Variants in NAV2 observed in about 807,000 individuals in gnomAD.
NAV2 encodes helicase, APC down-regulated 1.
Under a neutral mutation model 223.2 loss-of-function variants are expected in NAV2, and 54 were observed. The ratio of observed to expected loss-of-function variants is 0.24; its 90% confidence interval spans 0.19 to 0.30. NAV2 has a LOEUF of 0.30. Among genes scored for constraint, NAV2 ranks in the 10% least tolerant of loss-of-function variants. The pLI is 1.00. For synonymous variants in NAV2, 1,279 were observed against 1,239.3 expected (o/e 1.03, Z -0.67); for missense variants, 2,806 against 3,147.5 (o/e 0.89, Z 2.60).
intron 1 of NAV2, among the ~76,000 whole-genome samples, chr11:19,389,781 G>C (rs563428715): frequency 6.6e-6 from 1 of 152,332 alleles, no homozygotes; most frequent in Non-Finnish European, 1.5e-5. Context: ...GTGTGTTCCT[G>C]TGGCTGGCCT....
intron 1 of NAV2, among the ~76,000 whole-genome samples, chr11:19,360,677 T>C (rs546992200): frequency 1.3e-5 from 2 of 151,940 alleles, no homozygotes; most frequent in Admixed American, 1.3e-4. Flanking sequence ...AAGGCATGAG[T>C]GGACAGGCAG....
intron 1 of NAV2, among the ~76,000 whole-genome samples, chr11:19,441,429 GAC>G (rs756829104): frequency 2.2e-4 from 31 of 141,344 alleles, no homozygotes; most frequent in Admixed American, 6.4e-4. Flanking sequence ...AGGACACTGG[GAC>G]ACACACACAC....
intron 1 of NAV2, among the ~76,000 whole-genome samples, chr11:19,585,740 A>G (rs532817007): frequency 3.9e-5 from 6 of 152,342 alleles, no homozygotes; most frequent in African/African-American, 1.4e-4. Flanking sequence ...AGTTTCTACT[A>G]AGAGATCCGC....
intron 1 of NAV2, among the ~76,000 whole-genome samples, chr11:19,799,436 C>G (rs572809150): frequency 6.6e-6 from 1 of 152,138 alleles, no homozygotes. Context: ...GACAGAACTA[C>G]CCAGTGGATC....
At chr11:19,880,720 T>G (rs2585757) in intron 5 of NAV2, among the ~76,000 whole-genome samples, 31,430 of 152,046 alleles carry the variant, frequency 0.21, 3,885 homozygotes, top group South Asian at 0.43. Context: ...GGGGTCTGGA[T>G]TTTGTTCCCA....
chr11:19,347,259 C>G (rs1017034338), upstream of NAV2, among the ~76,000 whole-genome samples: 4 of 152,210 alleles, frequency 2.6e-5, no homozygotes, highest in African/African-American at 9.6e-5. Context: ...ACCTGGAATC[C>G]TAAATTGGCA....
Position 19,987,423 on chromosome 11 carries a change from G to A in NAV2, c.2768+3176G>A, listed in dbSNP as rs986467347. On this transcript the variant is annotated intron_variant, in intron 11 of 37. Transcript: ENST00000349880. ...GAGTTCTACAAAGGAAAGAGGAAAA[G>A]TACTGAGTGATTAGACCTGATTAGA... 5.1e-4 allele frequency among the ~76,000 whole-genome samples: 78 copies of A among 152,158 alleles called. 1 individual carries two copies. Among genetic ancestry groups the A allele is most frequent in the African/African-American group, 1.8e-3 (73 of 41,424 alleles).
At chr11:19,487,815 T>C (rs1393112441) in intron 1 of NAV2, among the ~76,000 whole-genome samples, 1 of 151,162 alleles carries the variant, frequency 6.6e-6, no homozygotes, top group South Asian at 2.1e-4. Context: ...AAGCCATGAC[T>C]GTAGCCCCAG....
chr11:19,363,166 G>A (rs1359637218), intron 1 of NAV2, among the ~76,000 whole-genome samples: 1 of 151,936 alleles, frequency 6.6e-6, no homozygotes, highest in Non-Finnish European at 1.5e-5. Context: ...GGTGTGTGAT[G>A]TTCCCCTCCC....
At chr11:19,667,511 T>C (rs563954939) in intron 1 of NAV2, among the ~76,000 whole-genome samples, 2 of 152,240 alleles carry the variant, frequency 1.3e-5, no homozygotes, top group South Asian at 4.2e-4. Flanking sequence ...ATTCAGTTGG[T>C]GTGTTGTGGG....
At chr11:19,804,358 C>A (rs1248342820) in intron 1 of NAV2, among the ~76,000 whole-genome samples, 1 of 152,164 alleles carries the variant, frequency 6.6e-6, no homozygotes, top group Admixed American at 6.5e-5. Flanking sequence ...AGTTCCCAAC[C>A]CCAAGTCTTG....
chr11:20,103,727 C>G lies in NAV2; in HGVS notation c.6644+3C>G. ...CTGCAGCTTCACCATAACTTCAGGT[C>G]AGTTTTCCCTTCCCTTGTCCAGTTA... On this transcript the variant is annotated splice_donor_region_variant and intron_variant, in intron 34 of 37. Coordinates refer to ENST00000349880, the MANE Select transcript of NAV2 (RefSeq NM_145117.5). 1 of 1,613,748 alleles carries G rather than the reference C, an allele frequency of 6.2e-7. No homozygotes were observed. Among genetic ancestry groups the G allele is most frequent in the South Asian group, 1.1e-5 (1 of 91,056 alleles).
chr11:19,894,597 T>C (rs2041798265), intron 6 of NAV2, among the ~76,000 whole-genome samples: 1 of 152,208 alleles, frequency 6.6e-6, no homozygotes. Context: ...GACCCTGCCC[T>C]GGGCAAAGGC....
At chr11:19,839,821 C>CT (rs1257820212) in intron 2 of NAV2, among the ~76,000 whole-genome samples, 1 of 152,222 alleles carries the variant, frequency 6.6e-6, no homozygotes, top group Non-Finnish European at 1.5e-5. Flanking sequence ...ATTAGTGGGG[C>CT]TAAGAAAGTC....
At chr11:19,830,625 C>G (rs1349201014) in intron 1 of NAV2, among the ~76,000 whole-genome samples, 1 of 152,226 alleles carries the variant, frequency 6.6e-6, no homozygotes, top group Non-Finnish European at 1.5e-5. Context: ...CTGCATAAGG[C>G]ACTCTTTCAA....
At chr11:19,532,210 A>G (rs1426692337) in intron 1 of NAV2, among the ~76,000 whole-genome samples, 1 of 152,194 alleles carries the variant, frequency 6.6e-6, no homozygotes, top group East Asian at 1.9e-4. Flanking sequence ...GCTGCTCTGC[A>G]GGGCTTTGGT....
At chr11:20,039,922 G>A (rs963784467) in intron 12 of NAV2, among the ~76,000 whole-genome samples, 2 of 152,248 alleles carry the variant, frequency 1.3e-5, no homozygotes, top group Non-Finnish European at 1.5e-5. Flanking sequence ...TGGCATGGAT[G>A]TAGGGATGGG....
chr11:19,388,578 T>C (rs1849130096), intron 1 of NAV2, among the ~76,000 whole-genome samples: 1 of 152,196 alleles, frequency 6.6e-6, no homozygotes, highest in Non-Finnish European at 1.5e-5. Flanking sequence ...GGATTTTGGC[T>C]GGGAGGAAGT....
intron 1 of NAV2, among the ~76,000 whole-genome samples, chr11:19,763,514 G>T (rs1158784890): frequency 6.6e-6 from 1 of 152,198 alleles, no homozygotes; most frequent in Non-Finnish European, 1.5e-5. Flanking sequence ...AAAGAGGGTT[G>T]TGTGAAGCCT....
Sources: allele counts gnomAD v4.1 joint callset (sites outside exome capture counted in the v4.1 genomes callset), GRCh38; gene constraint gnomAD v4.1.1; transcripts MANE v1.5; gene names NCBI Gene and HGNC (gene_info 2026-07-23, HGNC 2026-07-21).